MDN1: variants seen among roughly 807,000 people sequenced by gnomAD.
MDN1 encodes midasin AAA ATPase 1, also known as midasin.
A neutral mutation model predicts 669.2 loss-of-function variants in MDN1; 266 were observed. That is an observed-to-expected ratio of 0.40 (90% CI 0.36 to 0.44). The LOEUF (loss-of-function observed/expected upper bound fraction) is 0.44, where lower values mean the gene tolerates loss of function less well. Among genes scored for constraint, MDN1 ranks in the 20% least tolerant of loss-of-function variants. The probability of loss-of-function intolerance (pLI) is 1.00; values close to 1 mark genes in which losing one functional copy is unlikely to be tolerated. For missense variants in MDN1, 5,940 were observed against 6,754.0 expected, an observed-to-expected ratio of 0.88 and a Z score of 4.22; for synonymous variants, 2,385 against 2,457.1, an observed-to-expected ratio of 0.97 and a Z score of 0.87.
rs1359705826 is a variant in MDN1 at position 89,749,671 on chromosome 6, C to T, written c.3487G>A (p.Ala1163Thr). The T allele has an allele frequency of 6.2e-7, 1 of 1,613,986 alleles. No individual in the cohort carries two copies. Among genetic ancestry groups the T allele is most frequent in the African/African-American group, 1.3e-5 (1 of 74,896 alleles). ...LNLAPTDVLE[A>T]LNRLLDDNRE... is the part of the protein sequence containing the mutation. ...TTATCATCCAACAGCCTATTCAGCGCCTCTAACACATCAGTAGGGGCCAAA... is the reference window on the plus strand; with the variant it reads ...TTATCATCCAACAGCCTATTCAGCGTCTCTAACACATCAGTAGGGGCCAAA... Residue 1163 changes from alanine to threonine, a missense_variant, in exon 25 of 102, where the codon GCG (alanine) becomes ACG (threonine). By Grantham distance (58) the Ala-to-Thr change is moderately conservative. This residue lies in a region of MDN1 where 2,292 missense variants were observed against 2,638.3 expected (regional missense o/e 0.87). Coordinates refer to ENST00000369393, the MANE Select transcript of MDN1 (RefSeq NM_014611.3).
chr6:89,683,997 C>A, intron 71 of MDN1, 93 bp from the exon 72 acceptor site: 1 of 937,284 alleles, frequency 1.1e-6, no homozygotes, highest in Non-Finnish European at 1.7e-6. Context: ...CCAGAGCTCA[C>A]TCTATCCCAA....
chr6:89,734,115 T>C (rs1163633452), intron 33 of MDN1, among the ~76,000 whole-genome samples: 1 of 151,872 alleles, frequency 6.6e-6, no homozygotes, highest in African/African-American at 2.4e-5. Flanking sequence ...TGAAACCCCG[T>C]CTCTACTAAA....
intron 71 of MDN1, among the ~76,000 whole-genome samples, chr6:89,684,344 A>G (rs1179409590): frequency 6.6e-6 from 1 of 152,020 alleles, no homozygotes; most frequent in Non-Finnish European, 1.5e-5. Flanking sequence ...ACTGGGTCTC[A>G]AAAAACAAAA....
intron 73 of MDN1, among the ~76,000 whole-genome samples, chr6:89,682,193 C>T (rs1366044080): frequency 6.6e-6 from 1 of 152,238 alleles, no homozygotes; most frequent in African/African-American, 2.4e-5. Flanking sequence ...TATTCACACC[C>T]TGTGCAGTAG....
rs376945288 is a variant in MDN1, at chr6:89,695,830, G to A, written c.9546C>T (p.Asp3182=). ...TGGGCAGCACCTCCTGACCAGCCAT[G>A]TCCCCAAGTGTCTGGCCCACATGCT... ...AFQHVGQTLG[D]MAGQEVLPKE... is the part of the protein sequence containing the mutation. Residue 3182 remains aspartate (D), a synonymous_variant, in exon 61 of 102, where the codon GAC becomes GAT. Transcript: ENST00000369393. This position sits in a 1 kb window ranked among gnomAD's most constrained non-coding sequence, Gnocchi z 4.1. 8 of 1,613,830 alleles carry A rather than the reference G, an allele frequency of 5.0e-6. No individual in the cohort carries two copies. The highest frequency in any genetic ancestry group is 2.2e-5 in the East Asian group (1 of 44,876).
intron 74 of MDN1, among the ~76,000 whole-genome samples, chr6:89,680,001 GC>G (rs1353365742): frequency 3.5e-4 from 54 of 152,326 alleles, no homozygotes; most frequent in African/African-American, 1.3e-3. Context: ...TTAAAGGCAG[GC>G]CACCCTCACT....
chr6:89,808,177 T>C lies in MDN1; in HGVS notation c.103-4623A>G, dbSNP rs1269880640. On this transcript the variant is annotated intron_variant, in intron 1 of 101. Coordinates refer to ENST00000369393, the MANE Select transcript of MDN1 (RefSeq NM_014611.3). ...TATTAATTTAAATATCTTTATTATT[T>C]TGGGGTCTGTTGCAGTGACTGACTT... Among the ~76,000 whole-genome samples, 5 of 152,156 alleles carry C rather than the reference T, an allele frequency of 3.3e-5. No individual in the cohort carries two copies. The East Asian group carries it at 5.8e-4, about 18-fold the overall frequency.
chr6:89,678,866 T>G, intron 74 of MDN1, 121 bp from the exon 75 acceptor site: 1 of 1,038,244 alleles, frequency 9.6e-7, no homozygotes, highest in East Asian at 2.6e-5. Context: ...CATTCATCTT[T>G]ATACCCTGGG....
chr6:89,646,534 G>C lies in MDN1; in HGVS notation c.16459+6C>G. ...TTGTTAATGAAGAGGAAGGCATGCA[G>C]CTCACCTGAACTGATGTTCTGCGAG... On this transcript the variant is annotated splice_donor_region_variant and intron_variant, in intron 100 of 101. Coordinates refer to ENST00000369393, the MANE Select transcript of MDN1 (RefSeq NM_014611.3). The C allele has an allele frequency of 6.2e-7, 1 of 1,613,470 alleles. No homozygotes were observed. The highest frequency in any genetic ancestry group is 8.5e-7 in the Non-Finnish European group (1 of 1,179,520).
In MDN1 at chr6:89,685,888, T is replaced by G; in HGVS notation, c.11658A>C (p.Arg3886=). ...EGSSLGEFHV[R]LQMLLVFHCH... ...AATGGAAAACCAGTAACATCTGAAG[T>G]CGCACATGGAACTCTCCCAGCGAGG... The change falls in exon 70 of 102, where the codon CGA becomes CGC. Residue 3886 remains arginine (R), a synonymous_variant. Transcript: ENST00000369393. 2 of 1,614,132 alleles carry G rather than the reference T, an allele frequency of 1.2e-6. No individual in the cohort carries two copies. Among genetic ancestry groups the G allele is most frequent in the Non-Finnish European group, 1.7e-6 (2 of 1,180,020 alleles).
rs1001961714 is a variant in MDN1, at chr6:89,648,310, G to A, written c.16226C>T (p.Ala5409Val). ...GAGGGTTAGAGCATTTCCAATCACA[G>A]CCAAAGATTCAAATGCAAGCTGTGA... ...HTKQLAFESLAVIGNALTLLE... is the reference protein window; with the variant it reads ...HTKQLAFESLVVIGNALTLLE... The change falls in exon 98 of 102, where the codon GCT becomes GTT. Residue 5409 changes from alanine to valine, a missense_variant. Ala to Val is a moderately conservative substitution (Grantham distance 64, BLOSUM62 0). Coordinates refer to ENST00000369393, the MANE Select transcript of MDN1 (RefSeq NM_014611.3). 3.1e-6 allele frequency: 5 copies of A among 1,613,934 alleles called. No individual in the cohort carries two copies. The Admixed American group carries it at 8.3e-5, about 27-fold the overall frequency.
At chr6:89,742,914 A>G (rs999250365) in intron 31 of MDN1, among the ~76,000 whole-genome samples, 3 of 152,172 alleles carry the variant, frequency 2.0e-5, no homozygotes, top group Non-Finnish European at 4.4e-5. Context: ...TAATACATCA[A>G]TAATTTCAAG....
chr6:89,781,715 G>A (rs1321150754), intron 9 of MDN1, 123 bp from the exon 10 acceptor site: 3 of 766,480 alleles, frequency 3.9e-6, no homozygotes, highest in Non-Finnish European at 6.1e-6. Context: ...GTTCACTGGG[G>A]GACGGTAGCT....
In MDN1 at chr6:89,690,257, A is replaced by C. The variant is rs150251681; in HGVS notation, c.10750-114T>G. On this transcript the variant is annotated intron_variant, in intron 64 of 101. Transcript: ENST00000369393. ...TGACTGAAAAAATGAAATAGGACTA[A>C]TATATGTATTAAAATATATTTTAAA... 27 of 1,080,350 alleles carry C rather than the reference A, an allele frequency of 2.5e-5. No homozygotes were observed. In the East Asian group the frequency reaches 6.9e-4, roughly 28 times the overall value. 66.9% of individuals were successfully genotyped at this position (1,080,350 alleles called of 1,614,324 possible). A position where few individuals can be genotyped will look rare whatever the true frequency, so the allele number is the denominator to read the frequency against.
At chr6:89,649,888 A>G in intron 97 of MDN1, 136 bp downstream of exon 97, 1 of 928,186 alleles carries the variant, frequency 1.1e-6, no homozygotes, top group East Asian at 2.5e-5. Flanking sequence ...AACAGGCCTA[A>G]CAGGTATTTC....
intron 31 of MDN1, among the ~76,000 whole-genome samples, chr6:89,742,554 C>T (rs1369594054): frequency 6.6e-6 from 1 of 152,156 alleles, no homozygotes; most frequent in Non-Finnish European, 1.5e-5. Context: ...CAGTTCTATG[C>T]ATATAGCTTG....
intron 93 of MDN1, 107 bp downstream of exon 93, chr6:89,654,057 C>T: frequency 1.6e-6 from 2 of 1,281,362 alleles, no homozygotes; most frequent in Non-Finnish European, 2.1e-6. Flanking sequence ...TCATCTAAGC[C>T]ATGGATTAGG....
intron 9 of MDN1, among the ~76,000 whole-genome samples, chr6:89,783,512 T>C (rs911026400): frequency 2.6e-5 from 4 of 152,182 alleles, no homozygotes; most frequent in African/African-American, 9.6e-5. Flanking sequence ...CCCTTTGCCT[T>C]GTGATCTTTG....
intron 85 of MDN1, 33 bp downstream of exon 85, chr6:89,664,454 A>G (rs1367756732): frequency 6.2e-7 from 1 of 1,608,138 alleles, no homozygotes; most frequent in Non-Finnish European, 8.5e-7. Context: ...TATGCTTTCA[A>G]AAACAAGAAT....
Sources: allele counts gnomAD v4.1 joint callset (sites outside exome capture counted in the v4.1 genomes callset), GRCh38; gene constraint gnomAD v4.1.1; regional missense constraint gnomAD v4.1.1; non-coding constraint Gnocchi (gnomAD v3.1); transcripts MANE v1.5; gene names NCBI Gene and HGNC (gene_info 2026-07-23, HGNC 2026-07-21).